The following SHOC2 variants were observed in gnomAD, a reference collection of about 807,000 sequenced individuals.
SHOC2 encodes the protein SHOC2 leucine rich repeat scaffold protein.
A neutral mutation model predicts 50.2 loss-of-function variants in SHOC2; 4 were observed. That is an observed-to-expected ratio of 0.08 (90% CI 0.04 to 0.18). The LOEUF (loss-of-function observed/expected upper bound fraction) is 0.18. Ranked by LOEUF, SHOC2 falls within the 10% of genes least tolerant of loss-of-function variation. SHOC2 has a pLI of 1.00. For missense variants in SHOC2, 388 were observed against 669.6 expected, an observed-to-expected ratio of 0.58 and a Z score of 4.64; for synonymous variants, 218 against 244.5, an observed-to-expected ratio of 0.89 and a Z score of 1.01.
intron 1 of SHOC2, among the ~76,000 whole-genome samples, chr10:110,933,243 A>T (rs2134078743): frequency 6.6e-6 from 1 of 152,242 alleles, no homozygotes; most frequent in Admixed American, 6.5e-5. Flanking sequence ...GAAAGGAGTG[A>T]TTACTCATTG....
upstream of SHOC2, chr10:110,919,532 C>G (rs1048343118): frequency 1.2e-5 from 1 of 80,198 alleles, no homozygotes. Flanking sequence ...GCGGGGCGGG[C>G]GGGGCGGGGC....
intron 1 of SHOC2, among the ~76,000 whole-genome samples, chr10:110,946,244 G>C (rs74156319): frequency 3.7e-4 from 56 of 151,666 alleles, no homozygotes; most frequent in African/African-American, 1.3e-3. Context: ...GTTTTACTGA[G>C]ATAACATATT....
chr10:110,945,013 A>G (rs1284991211), intron 1 of SHOC2, among the ~76,000 whole-genome samples: 3 of 152,176 alleles, frequency 2.0e-5, no homozygotes, highest in Non-Finnish European at 4.4e-5. Flanking sequence ...AGCCTTAGGC[A>G]TGTGTATGAC....
At chr10:110,940,910 G>GT (rs539552844) in intron 1 of SHOC2, among the ~76,000 whole-genome samples, 5 of 119,500 alleles carry the variant, frequency 4.2e-5, no homozygotes, top group African/African-American at 1.3e-4. Flanking sequence ...TTTGTGGTGG[G>GT]TTTTTTTTTT....
chr10:110,963,454 C>T (rs1384765772), intron 1 of SHOC2, among the ~76,000 whole-genome samples: 1 of 152,142 alleles, frequency 6.6e-6, no homozygotes, highest in Non-Finnish European at 1.5e-5. Flanking sequence ...ATTATTAATG[C>T]CCCTTTCCCT....
intron 1 of SHOC2, among the ~76,000 whole-genome samples, chr10:110,926,203 T>A (rs186682470): frequency 6.6e-6 from 1 of 152,216 alleles, no homozygotes; most frequent in South Asian, 2.1e-4. Context: ...ATATATTTGA[T>A]GTCTGTCTTT....
chr10:110,989,823 G>GTA (rs767161049), intron 3 of SHOC2, among the ~76,000 whole-genome samples: 2 of 152,052 alleles, frequency 1.3e-5, no homozygotes, highest in Non-Finnish European at 2.9e-5. Context: ...AGTATATTCA[G>GTA]TATATATTCA....
chr10:110,980,666 T>G (rs577105894), intron 2 of SHOC2, among the ~76,000 whole-genome samples: 19 of 152,306 alleles, frequency 1.2e-4, no homozygotes, highest in Non-Finnish European at 2.6e-4. Flanking sequence ...TGTGCTTTAT[T>G]ATCTGGTCAA....
At chr10:110,920,043 GTCTC>G (rs766539706) in intron 1 of SHOC2, 3 of 149,986 alleles carry the variant, frequency 2.0e-5, no homozygotes, top group Non-Finnish European at 4.5e-5. Context: ...CCGGCGGACA[GTCTC>G]TCTCCTCTCG....
At chr10:110,971,891 T>G (rs1398427600) in intron 2 of SHOC2, among the ~76,000 whole-genome samples, 2 of 151,984 alleles carry the variant, frequency 1.3e-5, no homozygotes, top group African/African-American at 4.8e-5. Flanking sequence ...TCAAATGATG[T>G]ACATATAACT....
chr10:111,011,554 GAACTTTTAAAATAGCAA>G, intron 8 of SHOC2, 39 bp from the exon 9 acceptor site: 1 of 1,254,834 alleles, frequency 8.0e-7, no homozygotes, highest in Non-Finnish European at 1.2e-6. Context: ...ATGCCCAGTT[GAACTTTTAAAATAGCAA>G]CTAATTTTTA....
intron 1 of SHOC2, among the ~76,000 whole-genome samples, chr10:110,963,673 A>G (rs190885957): frequency 3.9e-5 from 6 of 152,270 alleles, no homozygotes; most frequent in African/African-American, 1.4e-4. Flanking sequence ...TGGCTCCATC[A>G]TGTTTCCAAG....
In SHOC2 at chr10:111,006,932, C is replaced by T. The variant is rs183532653; in HGVS notation, c.1162-599C>T. On this transcript the variant is annotated intron_variant, in intron 5 of 8. Transcript: ENST00000369452. ...TCTAATTTTTAAACCAAATTAAGACCATATTTACTGTTTCCTCTGTTTTGG... is the reference window on the plus strand; with the variant it reads ...TCTAATTTTTAAACCAAATTAAGACTATATTTACTGTTTCCTCTGTTTTGG... Among the ~76,000 whole-genome samples, 142 of 152,190 alleles carry T rather than the reference C, an allele frequency of 9.3e-4. 4 individuals carry two copies. Among genetic ancestry groups the T allele is most frequent in the Admixed American group, 9.1e-3 (139 of 15,286 alleles).
At chr10:110,924,492 A>C (rs1846716927) in intron 1 of SHOC2, among the ~76,000 whole-genome samples, 1 of 152,220 alleles carries the variant, frequency 6.6e-6, no homozygotes, top group African/African-American at 2.4e-5. Flanking sequence ...GAAGAATAAC[A>C]GTTTGGATTC....
At chr10:110,990,385 A>G (rs150792384) in intron 3 of SHOC2, among the ~76,000 whole-genome samples, 1 of 152,222 alleles carries the variant, frequency 6.6e-6, no homozygotes, top group African/African-American at 2.4e-5. Context: ...TGTCTAGCTC[A>G]GGGATTGTAA....
At chr10:110,963,690 GAGTT>G (rs1442123710) in intron 1 of SHOC2, among the ~76,000 whole-genome samples, 2 of 152,070 alleles carry the variant, frequency 1.3e-5, no homozygotes, top group African/African-American at 4.8e-5. Context: ...CAAGATCTCA[GAGTT>G]AGTTACTTAA....
chr10:110,935,414 C>T (rs1846987399), intron 1 of SHOC2, among the ~76,000 whole-genome samples: 1 of 152,176 alleles, frequency 6.6e-6, no homozygotes, highest in Admixed American at 6.5e-5. Context: ...CATAATATTC[C>T]CTTGAAAAAA....
At chr10:110,947,362 T>C (rs1847265144) in intron 1 of SHOC2, among the ~76,000 whole-genome samples, 1 of 152,226 alleles carries the variant, frequency 6.6e-6, no homozygotes, top group African/African-American at 2.4e-5. Context: ...ATGCCAGCCA[T>C]GCTGTCCGGA....
At chr10:110,931,965 G>T (rs912394151) in intron 1 of SHOC2, among the ~76,000 whole-genome samples, 13 of 152,134 alleles carry the variant, frequency 8.5e-5, no homozygotes, top group African/African-American at 2.9e-4. Flanking sequence ...CATGATAAGT[G>T]TTCTGTTAGG....
Sources: allele counts gnomAD v4.1 joint callset (sites outside exome capture counted in the v4.1 genomes callset), GRCh38; gene constraint gnomAD v4.1.1; transcripts MANE v1.5; gene names NCBI Gene and HGNC (gene_info 2026-07-23, HGNC 2026-07-21).